CD247: variants seen among roughly 807,000 people sequenced by gnomAD.
The protein encoded by CD247 is CD247 molecule.
In CD247, 13 loss-of-function variants were observed where a neutral mutation model predicts 30.0. The ratio of observed to expected loss-of-function variants is 0.43; its 90% CI spans 0.28 to 0.69. CD247 has a LOEUF of 0.69. Ranked by LOEUF, CD247 falls within the 30% of genes least tolerant of loss-of-function variation. The pLI is 0.16. For synonymous variants in CD247, 72 were observed against 80.0 expected (o/e 0.90, Z 0.53); for missense variants, 193 against 212.6 (o/e 0.91, Z 0.57).
chr1:167,502,399 G>A (rs1654951387), intron 1 of CD247, among the ~76,000 whole-genome samples: 1 of 152,196 alleles, frequency 6.6e-6, no homozygotes, highest in African/African-American at 2.4e-5. Context: ...ATTTTTGCAA[G>A]GGACTTGTTA....
intron 1 of CD247, among the ~76,000 whole-genome samples, chr1:167,463,850 C>A (rs35492326): frequency 0.01 from 1,564 of 152,224 alleles, 26 homozygotes; most frequent in African/African-American, 0.036. Context: ...TCTGTGAGTA[C>A]CGTGTCCTAC....
chr1:167,450,302 C>A (rs1286107708), intron 1 of CD247, among the ~76,000 whole-genome samples: 4 of 152,114 alleles, frequency 2.6e-5, no homozygotes, highest in Non-Finnish European at 4.4e-5. Flanking sequence ...TAGAGACCAG[C>A]CTGGGCAACA....
chr1:167,453,611 T>TA (rs750252233), intron 1 of CD247, among the ~76,000 whole-genome samples: 64 of 152,024 alleles, frequency 4.2e-4, no homozygotes, highest in Middle Eastern at 6.8e-3. Context: ...ATATAACCGT[T>TA]AAAAAAAACA....
At chr1:167,480,477 C>A (rs1653932189) in intron 1 of CD247, among the ~76,000 whole-genome samples, 1 of 152,174 alleles carries the variant, frequency 6.6e-6, no homozygotes. Flanking sequence ...TCCTCCTGCT[C>A]AACCAGCCTA....
chr1:167,458,621 C>G (rs1009508708), intron 1 of CD247: 1 of 151,828 alleles, frequency 6.6e-6, no homozygotes, highest in Non-Finnish European at 1.5e-5. Flanking sequence ...CCTGGGAAAA[C>G]TGCGCTACTT....
chr1:167,457,309 GT>G (rs923597542), intron 1 of CD247: 1 of 152,396 alleles, frequency 6.6e-6, no homozygotes, highest in African/African-American at 2.4e-5. Flanking sequence ...AGCATGCTTA[GT>G]CCCCCTGGCA....
chr1:167,439,594 T>A lies in CD247; in HGVS notation c.163-194A>T, dbSNP rs151205650. 529 of 598,006 alleles carry A rather than the reference T, an allele frequency of 8.8e-4. 2 individuals carry two copies. The highest frequency in any genetic ancestry group is 8.3e-3 in the African/African-American group (448 of 53,990). 37.0% of individuals were successfully genotyped at this position (598,006 alleles called of 1,614,324 possible). On this transcript the variant is annotated intron_variant, in intron 2 of 7. Transcript: ENST00000362089. Reference sequence around the variant, plus strand: ...CCCCTTTTTCTGAGCCCAGTTGTCCTTTTTCCTCCCGCCTGTGACACGTGC... The same window carrying A: ...CCCCTTTTTCTGAGCCCAGTTGTCCATTTTCCTCCCGCCTGTGACACGTGC...
intron 1 of CD247, among the ~76,000 whole-genome samples, chr1:167,507,417 G>A (rs568156234): frequency 5.1e-4 from 77 of 152,248 alleles, no homozygotes; most frequent in African/African-American, 1.8e-3. Context: ...TTCCTTTGTT[G>A]ATCATTCCAC....
intron 1 of CD247, among the ~76,000 whole-genome samples, chr1:167,445,823 C>A (rs956801): frequency 0.012 from 1,778 of 152,334 alleles, 31 homozygotes; most frequent in African/African-American, 0.041. Context: ...CAACCTCCTT[C>A]TCCAGCAAAT....
At chr1:167,440,871 A>G in intron 1 of CD247, 104 bp from the exon 2 acceptor site, 1 of 733,402 alleles carries the variant, frequency 1.4e-6, no homozygotes, top group Non-Finnish European at 2.4e-6. Context: ...AAATCATGAC[A>G]CGGAGACTAT....
At chr1:167,438,163 G>A (rs940512907) in intron 4 of CD247, among the ~76,000 whole-genome samples, 13 of 152,260 alleles carry the variant, frequency 8.5e-5, no homozygotes, top group Admixed American at 8.5e-4. Context: ...AAAGCCAAGA[G>A]GTCAAACCCC....
Position 167,446,838 on chromosome 1 carries a change from C to CA in CD247, c.59-6072dup, listed in dbSNP as rs550843030. ...GAAACCCCGTCTCTACTAAAAAATA[C>CA]AAAAAAATTAGCCGGGCGTGGTGGC... On this transcript the variant is annotated intron_variant, in intron 1 of 7. Coordinates refer to ENST00000362089, the MANE Select transcript of CD247 (RefSeq NM_198053.3). 9.9e-5 allele frequency among the ~76,000 whole-genome samples: 15 copies of CA among 152,128 alleles called. No individual in the cohort carries two copies. The South Asian group carries it at 2.5e-3, about 25-fold the overall frequency.
chr1:167,515,329 C>T (rs573374757), intron 1 of CD247, among the ~76,000 whole-genome samples: 2 of 152,286 alleles, frequency 1.3e-5, no homozygotes, highest in East Asian at 1.9e-4. Context: ...GGTGGCCACC[C>T]GGACCAGTGA....
At chr1:167,497,770 C>T (rs760244568) in intron 1 of CD247, among the ~76,000 whole-genome samples, 8 of 152,184 alleles carry the variant, frequency 5.3e-5, no homozygotes, top group African/African-American at 1.7e-4. Flanking sequence ...CTATCCATAA[C>T]CTGAATTCCA....
chr1:167,492,992 C>T (rs891541253), intron 1 of CD247, among the ~76,000 whole-genome samples: 30 of 151,024 alleles, frequency 2.0e-4, no homozygotes, highest in African/African-American at 7.1e-4. Context: ...ATTTTTCCTG[C>T]CTTTCTCCAC....
intron 1 of CD247, among the ~76,000 whole-genome samples, chr1:167,466,523 TC>T (rs1653255330): frequency 6.6e-6 from 1 of 152,174 alleles, no homozygotes; most frequent in Non-Finnish European, 1.5e-5. Flanking sequence ...CCCCAATTTT[TC>T]CCCTCAGTTT....
chr1:167,432,896 T>C (rs1197116785), intron 7 of CD247, 128 bp downstream of exon 7: 2 of 942,988 alleles, frequency 2.1e-6, no homozygotes, highest in East Asian at 2.5e-5. Flanking sequence ...CCTAAATGGG[T>C]GCCTTGGGCT....
At chr1:167,479,524 C>G (rs550499445) in intron 1 of CD247, among the ~76,000 whole-genome samples, 1 of 152,186 alleles carries the variant, frequency 6.6e-6, no homozygotes, top group African/African-American at 2.4e-5. Flanking sequence ...TACGGCCCAG[C>G]GGTGGCCATG....
rs60850667 is a variant in CD247, at chr1:167,493,037, C to CTTTTTTTTT, written c.58+25362_58+25370dup. Among the ~76,000 whole-genome samples, 39 of 80,360 alleles carry CTTTTTTTTT rather than the reference C, an allele frequency of 4.9e-4. 1 individual carries two copies. The highest frequency in any genetic ancestry group is 7.3e-4 in the African/African-American group (14 of 19,190). 52.7% of individuals were successfully genotyped at this position (80,360 alleles called of 152,430 possible). A position where few individuals can be genotyped will look rare whatever the true frequency, so the allele number is the denominator to read the frequency against. On this transcript the variant is annotated intron_variant, in intron 1 of 7. Coordinates refer to ENST00000362089, the MANE Select transcript of CD247 (RefSeq NM_198053.3). ...TGCCCTATTTTCCCTAATTTTTCTC[C>CTTTTTTTTT]TTTTTTTTTTTTTTTTTTTTTTTGA...
Sources: allele counts gnomAD v4.1 joint callset (sites outside exome capture counted in the v4.1 genomes callset), GRCh38; gene constraint gnomAD v4.1.1; transcripts MANE v1.5; gene names NCBI Gene and HGNC (gene_info 2026-07-23, HGNC 2026-07-21).